Variants in KDM2A observed in about 807,000 individuals in gnomAD.
KDM2A encodes lysine-specific demethylase 2A.
KDM2A carries 3 observed loss-of-function variants against 137.3 expected under a neutral mutation model. That is an observed-to-expected ratio of 0.02 (90% CI 0.01 to 0.06). The LOEUF is 0.06. Ranked by LOEUF, KDM2A falls within the 10% of genes least tolerant of loss-of-function variation. KDM2A has a pLI of 1.00. For synonymous variants in KDM2A, 512 were observed against 541.5 expected, an observed-to-expected ratio of 0.95 and a Z score of 0.76; for missense variants, 738 against 1,510.6, an observed-to-expected ratio of 0.49 and a Z score of 8.48.
intron 5 of KDM2A, among the ~76,000 whole-genome samples, chr11:67,182,122 T>TC (rs1447220401): frequency 6.6e-6 from 1 of 152,318 alleles, no homozygotes; most frequent in East Asian, 1.9e-4. Context: ...CCTTCATACT[T>TC]CCTTCTCTCC....
intron 2 of KDM2A, among the ~76,000 whole-genome samples, chr11:67,162,484 A>G (rs1354251564): frequency 6.6e-6 from 1 of 152,160 alleles, no homozygotes; most frequent in African/African-American, 2.4e-5. Context: ...AGCTCACTGC[A>G]ACCTTCATCT....
intron 2 of KDM2A, among the ~76,000 whole-genome samples, chr11:67,144,308 A>G (rs1852432018): frequency 6.9e-6 from 1 of 145,662 alleles, no homozygotes; most frequent in South Asian, 2.2e-4. Flanking sequence ...GCTGGAGTGC[A>G]GTGGGGTGAC....
At chr11:67,186,388 C>A (rs921466610) in intron 5 of KDM2A, among the ~76,000 whole-genome samples, 1 of 152,152 alleles carries the variant, frequency 6.6e-6, no homozygotes, top group African/African-American at 2.4e-5. Flanking sequence ...AAACTGTCAA[C>A]CAAGCATCCT....
At chr11:67,181,534 C>T in intron 4 of KDM2A, 136 bp downstream of exon 4, 1 of 608,610 alleles carries the variant, frequency 1.6e-6, no homozygotes, top group Non-Finnish European at 2.8e-6. Flanking sequence ...AAAGTATATG[C>T]TTTTCTTTTG....
intron 2 of KDM2A, 45 bp from the exon 3 acceptor site, chr11:67,180,034 A>G (rs759545638): frequency 6.3e-7 from 1 of 1,580,290 alleles, no homozygotes; most frequent in East Asian, 2.3e-5. Context: ...GTAGGTAGGC[A>G]TGAAAAAGTG....
intron 11 of KDM2A, among the ~76,000 whole-genome samples, chr11:67,228,685 C>G (rs1360451912): frequency 2.1e-5 from 2 of 95,634 alleles, no homozygotes; most frequent in Admixed American, 1.4e-4. Flanking sequence ...AACCCTGTTG[C>G]GAAAAAAAAA....
Position 67,254,781 on chromosome 11 carries a change from T to G in KDM2A, c.3308-93T>G, listed in dbSNP as rs898699376. The G allele has an allele frequency of 2.5e-6, 3 of 1,218,878 alleles. No individual in the cohort carries two copies. The highest frequency in any genetic ancestry group is 3.5e-6 in the Non-Finnish European group (3 of 858,566). The allele number at this position is 1,218,878 out of a possible 1,614,324, so 75.5% of individuals were successfully genotyped here. On this transcript the variant is annotated intron_variant, in intron 20 of 20. Transcript: ENST00000529006. This position sits in a 1 kb window ranked among gnomAD's most constrained non-coding sequence, Gnocchi z 4.7. ...TTGTGGGACAAAGAGGGCTTTTGTTTAGCATTTTGAAGGAAAGACGGCTAC... is the reference window on the plus strand; with the variant it reads ...TTGTGGGACAAAGAGGGCTTTTGTTGAGCATTTTGAAGGAAAGACGGCTAC...
intron 12 of KDM2A, among the ~76,000 whole-genome samples, chr11:67,240,631 G>T (rs938382486): frequency 6.6e-6 from 1 of 152,196 alleles, no homozygotes. Flanking sequence ...GTGATCTGTA[G>T]GGTGTGGGCT....
At chr11:67,182,595 C>G (rs925383225) in intron 5 of KDM2A, among the ~76,000 whole-genome samples, 5 of 145,426 alleles carry the variant, frequency 3.4e-5, no homozygotes, top group Admixed American at 2.1e-4. Context: ...TGCAGTGGCA[C>G]AATCTCGGCT....
chr11:67,250,825 A>G lies in KDM2A; in HGVS notation c.2768+27A>G. ...TGAGCAGGGATTCAGGGGGTCAGGAATTAGGGGTATGGGAGTAGGTGGCAG... is the reference window on the plus strand; with the variant it reads ...TGAGCAGGGATTCAGGGGGTCAGGAGTTAGGGGTATGGGAGTAGGTGGCAG... On this transcript the variant is annotated intron_variant, in intron 17 of 20. Coordinates refer to ENST00000529006, the MANE Select transcript of KDM2A (RefSeq NM_012308.3). This position sits in a 1 kb window ranked among gnomAD's most constrained non-coding sequence, Gnocchi z 7.1. 1 of 1,494,382 alleles carries G rather than the reference A, an allele frequency of 6.7e-7. No homozygotes were observed. 92.6% of individuals were successfully genotyped at this position (1,494,382 alleles called of 1,614,324 possible). A position where few individuals can be genotyped will look rare whatever the true frequency, so the allele number is the denominator to read the frequency against.
intron 10 of KDM2A, among the ~76,000 whole-genome samples, chr11:67,222,228 C>T (rs1590801168): frequency 2.0e-5 from 2 of 99,952 alleles, no homozygotes; most frequent in Admixed American, 1.1e-4. Flanking sequence ...CGGCCTTCCG[C>T]AGTGTTTGTG....
At chr11:67,138,628 A>G (rs1338395766) in intron 2 of KDM2A, among the ~76,000 whole-genome samples, 1 of 152,156 alleles carries the variant, frequency 6.6e-6, no homozygotes, top group Non-Finnish European at 1.5e-5. Context: ...CAAAAACACA[A>G]AAATTAACCA....
At chr11:67,206,476 C>T (rs765691428) in intron 5 of KDM2A, among the ~76,000 whole-genome samples, 2 of 151,992 alleles carry the variant, frequency 1.3e-5, no homozygotes, top group Non-Finnish European at 2.9e-5. Flanking sequence ...GTGGCTCACG[C>T]CTGTAATCCT....
intron 10 of KDM2A, among the ~76,000 whole-genome samples, chr11:67,221,262 TAGC>T (rs1264382629): frequency 6.6e-6 from 1 of 152,206 alleles, no homozygotes; most frequent in Admixed American, 6.5e-5. Flanking sequence ...TCAAGTAGCT[TAGC>T]AGAATACTAA....
chr11:67,218,888 CG>C (rs1858248618), intron 9 of KDM2A, among the ~76,000 whole-genome samples: 1 of 152,226 alleles, frequency 6.6e-6, no homozygotes, highest in Non-Finnish European at 1.5e-5. Flanking sequence ...GGATTATAGG[CG>C]TGAGCCCCCG....
rs184813399 is a variant in KDM2A, at chr11:67,210,229, C to T, written c.486+2541C>T. Among the ~76,000 whole-genome samples the T allele has an allele frequency of 3.7e-3, 567 of 151,648 alleles. 4 individuals are homozygous for T. The highest frequency in any genetic ancestry group is 6.6e-3 in the East Asian group (34 of 5,138). On this transcript the variant is annotated intron_variant, in intron 6 of 20. Coordinates refer to ENST00000529006, the MANE Select transcript of KDM2A (RefSeq NM_012308.3). The stretch of plus-strand genomic sequence containing the variant: ...TAGAAAAATTAGCCAGGCATGATGG[C>T]GTCCCCCATGTAGTCCCAGCTACTC...
chr11:67,168,657 ACACACACG>A (rs1308689273), intron 2 of KDM2A, among the ~76,000 whole-genome samples: 3 of 145,238 alleles, frequency 2.1e-5, no homozygotes, highest in Non-Finnish European at 4.5e-5. Flanking sequence ...ACACACACAC[ACACACACG>A]GTCGGGGGGA....
At chr11:67,146,892 T>A (rs376497826) in intron 2 of KDM2A, among the ~76,000 whole-genome samples, 1 of 152,156 alleles carries the variant, frequency 6.6e-6, no homozygotes, top group Non-Finnish European at 1.5e-5. Context: ...TTAACTGGAA[T>A]ACAAATAGGT....
At chr11:67,120,778 C>T (rs1855581204) in intron 1 of KDM2A, among the ~76,000 whole-genome samples, 1 of 152,128 alleles carries the variant, frequency 6.6e-6, no homozygotes, top group African/African-American at 2.4e-5. Context: ...ATTTTTTGTC[C>T]TCTTTTTACA....
Sources: gnomAD v4.1 joint callset for allele counts (sites outside exome capture counted in the v4.1 genomes callset) on GRCh38, gnomAD v4.1.1 for gene constraint, Gnocchi (gnomAD v3.1) non-coding constraint, MANE v1.5 for transcripts, NCBI Gene and HGNC (gene_info 2026-07-23, HGNC 2026-07-21) for gene names.